The following ZDHHC8 variants were observed in gnomAD, a reference collection of about 807,000 sequenced individuals.
ZDHHC8 encodes the protein palmitoyltransferase ZDHHC8.
A neutral mutation model predicts 61.2 loss-of-function variants in ZDHHC8; 24 were observed. The observed-to-expected ratio is 0.39, with a 90% CI of 0.28 to 0.55. ZDHHC8 has a LOEUF of 0.55. Among genes scored for constraint, ZDHHC8 ranks in the 20% least tolerant of loss-of-function variants. The pLI is 0.60. For synonymous variants in ZDHHC8, 523 were observed against 492.5 expected (o/e 1.06, Z -0.82); for missense variants, 935 against 1,102.1 (o/e 0.85, Z 2.15).
chr22:20,139,383 C>A (rs567064256), intron 2 of ZDHHC8, 68 bp downstream of exon 2: 10 of 1,603,450 alleles, frequency 6.2e-6, no homozygotes, highest in Middle Eastern at 1.7e-4. Flanking sequence ...TTGAGACAGC[C>A]TTAGGGATTC....
At chr22:20,134,320 G>T (rs923946963) in intron 1 of ZDHHC8, among the ~76,000 whole-genome samples, 6 of 152,174 alleles carry the variant, frequency 3.9e-5, no homozygotes, top group Admixed American at 3.3e-4. Flanking sequence ...TCCCCGACCC[G>T]CCCCGCCTCT....
In ZDHHC8 at chr22:20,140,608, C is replaced by A; in HGVS notation, c.661-9C>A. 1 of 1,597,890 alleles carries A rather than the reference C, an allele frequency of 6.3e-7. No homozygotes were observed. Among genetic ancestry groups the A allele is most frequent in the Non-Finnish European group, 8.5e-7 (1 of 1,172,666 alleles). On this transcript the variant is annotated splice_polypyrimidine_tract_variant and intron_variant, in intron 5 of 10. Transcript: ENST00000334554. Reference sequence around the variant, plus strand: ...GAGGCCAGGCTGGCTGAGGGTCCTGCATCCACAGGTGACTGGGAAGTTCCG... The same window carrying A: ...GAGGCCAGGCTGGCTGAGGGTCCTGAATCCACAGGTGACTGGGAAGTTCCG...
At chr22:20,135,352 T>C (rs1192573080) in intron 1 of ZDHHC8, among the ~76,000 whole-genome samples, 1 of 152,180 alleles carries the variant, frequency 6.6e-6, no homozygotes, top group Non-Finnish European at 1.5e-5. Flanking sequence ...CGAAGACCCC[T>C]AGGCCAGGCT....
intron 1 of ZDHHC8, among the ~76,000 whole-genome samples, chr22:20,138,989 A>G (rs575712607): frequency 2.0e-5 from 3 of 152,300 alleles, no homozygotes; most frequent in East Asian, 3.9e-4. Context: ...GGTAGCCCAC[A>G]TGCTGTACTG....
Position 20,132,034 on chromosome 22 carries a change from C to T in ZDHHC8, c.87C>T (p.Thr29=), listed in dbSNP as rs781192661. 6.6e-6 allele frequency: 9 copies of T among 1,365,718 alleles called. No homozygotes were observed. In the East Asian group the frequency reaches 1.8e-4, roughly 28 times the overall value. The allele number at this position is 1,365,718 out of a possible 1,614,324, so 84.6% of individuals were successfully genotyped here. ...CCGCGCTGCTGGTCGGCTCCAGCAC[C>T]CTCTTCTTCGTGTTCACGTGAGTCG... The part of the protein sequence containing the change: ...TAAALLVGSS[T]LFFVFTCPWL... Residue 29 remains threonine, a synonymous_variant, in exon 1 of 11, where the codon ACC becomes ACT. Transcript: ENST00000334554.
intron 9 of ZDHHC8, among the ~76,000 whole-genome samples, chr22:20,141,916 G>C (rs529335358): frequency 3.9e-5 from 6 of 152,230 alleles, no homozygotes; most frequent in African/African-American, 1.4e-4. Context: ...TAAGGCCCAC[G>C]GGAAGACTTT....
Position 20,131,955 on chromosome 22 carries a change from G to A in ZDHHC8, c.8G>A (p.Arg3His), listed in dbSNP as rs374107616. MP[R>H]SPGTRLKPAK... is the part of the protein sequence containing the mutation. ...GGCGGCGCGGCGCCCAGGATGCCCC[G>A]CAGCCCCGGGACGCGCCTCAAACCC... Residue 3 changes from arginine (R) to histidine (H), a missense_variant, in exon 1 of 11, where the codon CGC (arginine) becomes CAC (histidine). Transcript: ENST00000334554. 16 of 1,227,488 alleles carry A rather than the reference G, an allele frequency of 1.3e-5. No homozygotes were observed. The highest frequency in any genetic ancestry group is 3.2e-5 in the African/African-American group (2 of 62,470). 76.0% of individuals were successfully genotyped at this position (1,227,488 alleles called of 1,614,324 possible).
chr22:20,137,707 T>G (rs1422048165), intron 1 of ZDHHC8, among the ~76,000 whole-genome samples: 2 of 152,254 alleles, frequency 1.3e-5, no homozygotes, highest in African/African-American at 2.4e-5. Context: ...CACCTGCCTG[T>G]GCCCATCTTG....
Position 20,139,386 on chromosome 22 carries a change from AGGGATT to A in ZDHHC8, c.226+72_226+77del, listed in dbSNP as rs2050447333. 2.5e-6 allele frequency: 4 copies of A among 1,603,426 alleles called. No individual in the cohort carries two copies. In the African/African-American group the frequency reaches 5.3e-5, roughly 21 times the overall value. The stretch of plus-strand genomic sequence containing the variant: ...TGAGTGGCTAACTTGAGACAGCCTT[AGGGATT>A]CCTGGTGGGTGGGCTGGACTTGGGG... On this transcript the variant is annotated intron_variant, in intron 2 of 10. Coordinates refer to ENST00000334554, the MANE Select transcript of ZDHHC8 (RefSeq NM_013373.4).
In ZDHHC8 at chr22:20,147,177, G is replaced by A; in HGVS notation, c.*1777G>A. The A allele has an allele frequency of 6.6e-7, 1 of 1,524,888 alleles. No homozygotes were observed. The highest frequency in any genetic ancestry group is 1.2e-5 in the South Asian group (1 of 81,638). 94.5% of individuals were successfully genotyped at this position (1,524,888 alleles called of 1,614,324 possible). ...CCGGGGCACCCCCACGCGGGGCCAT[G>A]TGCCGCCTGCACTTGGCTGCCTCCA... On this transcript the variant is annotated 3_prime_UTR_variant, in exon 11 of 11. Coordinates refer to ENST00000334554, the MANE Select transcript of ZDHHC8 (RefSeq NM_013373.4).
chr22:20,147,488 T>C lies in ZDHHC8; in HGVS notation c.*2088T>C, dbSNP rs1291317972. 2.8e-6 allele frequency: 1 copy of C among 358,028 alleles called. No homozygotes were observed. Among genetic ancestry groups the C allele is most frequent in the African/African-American group, 2.1e-5 (1 of 47,006 alleles). 22.2% of individuals were successfully genotyped at this position (358,028 alleles called of 1,614,324 possible). A position where few individuals can be genotyped will look rare whatever the true frequency, so the allele number is the denominator to read the frequency against. ...AGAGCTGTGGGGACCGGCACGACCT[T>C]TGCCCAGCCTCCCTACCCAACCAAG... On this transcript the variant is annotated 3_prime_UTR_variant, in exon 11 of 11. Transcript: ENST00000334554.
At chr22:20,145,053 C>T (rs1458371920) in intron 10 of ZDHHC8, among the ~76,000 whole-genome samples, 176 bp from the exon 11 acceptor site, 1 of 152,208 alleles carries the variant, frequency 6.6e-6, no homozygotes, top group Non-Finnish European at 1.5e-5. Context: ...CTGCATCCCT[C>T]ACCTGCTTTC....
Position 20,139,592 on chromosome 22 carries a change from C to T in ZDHHC8, c.341C>T (p.Pro114Leu). 3 of 1,613,190 alleles carry T rather than the reference C, an allele frequency of 1.9e-6. No homozygotes were observed. The highest frequency in any genetic ancestry group is 2.5e-6 in the Non-Finnish European group (3 of 1,180,004). ...TGTGCCACGTGCCACTTCTACCGCC[C>T]GCCGCGCTGCTCCCACTGCAGCGTC... ...KWCATCHFYRPPRCSHCSVCD... is the reference protein window; with the variant it reads ...KWCATCHFYRLPRCSHCSVCD... The change falls in exon 3 of 11, where the codon CCG becomes CTG. Residue 114 changes from proline (P) to leucine (L), a missense_variant. Physicochemically the swap from Pro to Leu is moderately conservative, Grantham distance 98. Around this residue, in one of 3 missense-constraint regions of ZDHHC8, gnomAD observed 199 missense variants for 334.0 expected, o/e 0.60. Coordinates refer to ENST00000334554, the MANE Select transcript of ZDHHC8 (RefSeq NM_013373.4).
rs768163990 is a variant in ZDHHC8 at position 20,141,514 on chromosome 22, G to A, written c.1109G>A (p.Cys370Tyr). 23 of 1,612,376 alleles carry A rather than the reference G, an allele frequency of 1.4e-5. No homozygotes were observed. The highest frequency in any genetic ancestry group is 2.2e-5 in the East Asian group (1 of 44,880). The change falls in exon 9 of 11, where the codon TGT (cysteine) becomes TAT (tyrosine). Residue 370 changes from cysteine (C) to tyrosine (Y), a missense_variant. Physicochemically the swap from Cys to Tyr is radical, Grantham distance 194 (BLOSUM62 -2). Transcript: ENST00000334554. The part of the protein sequence containing the change: ...AFPTGPKVPF[C>Y]GPGEQVPGPD... ...CCCACGGGTCCCAAGGTGCCCTTCTGTGGACCAGGCGAGCAGGTAAGGAGG... is the reference window on the plus strand; with the variant it reads ...CCCACGGGTCCCAAGGTGCCCTTCTATGGACCAGGCGAGCAGGTAAGGAGG...
intron 1 of ZDHHC8, among the ~76,000 whole-genome samples, chr22:20,132,928 C>G (rs1418319101): frequency 1.3e-5 from 2 of 152,224 alleles, no homozygotes; most frequent in Non-Finnish European, 2.9e-5. Flanking sequence ...CCCCTTCCAC[C>G]AATCTGGGGT....
Position 20,140,171 on chromosome 22 carries a change from G to T in ZDHHC8, c.614G>T (p.Gly205Val). The change falls in exon 5 of 11, where the codon GGC (glycine) becomes GTC (valine). Residue 205 changes from glycine to valine, a missense_variant. Gly to Val is a moderately radical substitution (Grantham distance 109). Transcript: ENST00000334554. Reference sequence around the variant, plus strand: ...TTCATCCCTGTCATTGGCCTCACTGGCTTCCATGTGGTGCTGGTCACTCGG... The same window carrying T: ...TTCATCCCTGTCATTGGCCTCACTGTCTTCCATGTGGTGCTGGTCACTCGG... ...LFFIPVIGLT[G>V]FHVVLVTRGR... 1 of 1,613,524 alleles carries T rather than the reference G, an allele frequency of 6.2e-7. No homozygotes were observed. The highest frequency in any genetic ancestry group is 8.5e-7 in the Non-Finnish European group (1 of 1,180,012).
Position 20,141,235 on chromosome 22 carries a change from C to A in ZDHHC8, c.913C>A (p.Arg305=). 1 of 1,611,930 alleles carries A rather than the reference C, an allele frequency of 6.2e-7. No individual in the cohort carries two copies. The highest frequency in any genetic ancestry group is 8.5e-7 in the Non-Finnish European group (1 of 1,179,690). ...CTCCCAGTCCAAGGGCAGCCTGGAC[C>A]GGCTGGATGAGAAGCCACTGGACTT... ...GRSKSKGSLD[R]LDEKPLDLGP... The change falls in exon 8 of 11, where the codon CGG becomes AGG. Residue 305 remains arginine, a synonymous_variant. Transcript: ENST00000334554.
At chr22:20,137,920 G>A (rs936875928) in intron 1 of ZDHHC8, among the ~76,000 whole-genome samples, 2 of 152,256 alleles carry the variant, frequency 1.3e-5, no homozygotes, top group African/African-American at 4.8e-5. Flanking sequence ...TCACCCTGGT[G>A]TCTACCTCCA....
In ZDHHC8 at chr22:20,141,394, C is replaced by T. The variant is rs1389031227; in HGVS notation, c.1016-27C>T. The T allele has an allele frequency of 2.5e-6, 4 of 1,612,170 alleles. No individual in the cohort carries two copies. In the East Asian group the frequency reaches 6.7e-5, roughly 27 times the overall value. ...ATATGGGTTGACCCTCCTCTGACCTCAGTCTGACAGTGGTCTGCATCCCCA... is the reference window on the plus strand; with the variant it reads ...ATATGGGTTGACCCTCCTCTGACCTTAGTCTGACAGTGGTCTGCATCCCCA... On this transcript the variant is annotated intron_variant, in intron 8 of 10. Coordinates refer to ENST00000334554, the MANE Select transcript of ZDHHC8 (RefSeq NM_013373.4).
Sources: allele counts gnomAD v4.1 joint callset (sites outside exome capture counted in the v4.1 genomes callset), GRCh38; gene constraint gnomAD v4.1.1; regional missense constraint gnomAD v4.1.1; transcripts MANE v1.5; gene names NCBI Gene and HGNC (gene_info 2026-07-23, HGNC 2026-07-21).